The following XK variants were observed in gnomAD, a reference collection of about 807,000 sequenced individuals.
The protein encoded by XK is endoplasmic reticulum membrane adapter protein XK.
XK carries 2 observed loss-of-function variants against 14.0 expected under a neutral mutation model. The ratio of observed to expected loss-of-function variants is 0.14; its 90% CI spans 0.06 to 0.45. The LOEUF (loss-of-function observed/expected upper bound fraction) is 0.45, where lower values mean the gene tolerates loss of function less well. Among genes scored for constraint, XK ranks in the 20% least tolerant of loss-of-function variants. The probability of loss-of-function intolerance (pLI) is 0.98; values close to 1 mark genes in which losing one functional copy is unlikely to be tolerated. For synonymous variants in XK, 149 were observed against 147.5 expected, an observed-to-expected ratio of 1.01 and a Z score of -0.08; for missense variants, 235 against 341.5, an observed-to-expected ratio of 0.69 and a Z score of 2.46.
chrX:37,719,719 A>G lies in XK; in HGVS notation c.509-7917A>G, dbSNP rs1033492389. On this transcript the variant is annotated intron_variant, in intron 2 of 2. Coordinates refer to ENST00000378616, the MANE Select transcript of XK (RefSeq NM_021083.4). ...ACACAATTTTAAAATCATATAAATT[A>G]TAGTTATTTTAAGTCCATGTCAGAT... Among the ~76,000 whole-genome samples, 4 of 111,418 alleles carry G rather than the reference A, an allele frequency of 3.6e-5. No homozygotes were observed. The South Asian group carries it at 1.5e-3, about 41-fold the overall frequency.
At chrX:37,724,876 G>A (rs1422232794) in intron 2 of XK, among the ~76,000 whole-genome samples, 1 of 110,366 alleles carries the variant, frequency 9.1e-6, no homozygotes, top group Non-Finnish European at 1.9e-5. Context: ...AGATGGACAA[G>A]ATGGCAAATA....
chrX:37,707,505 C>T (rs1398482576), intron 2 of XK, among the ~76,000 whole-genome samples: 3 of 100,457 alleles, frequency 3.0e-5, no homozygotes, highest in Non-Finnish European at 4.0e-5. Flanking sequence ...GGCTGCCGGG[C>T]GGAAGGGCTC....
intron 2 of XK, among the ~76,000 whole-genome samples, chrX:37,704,164 CCTT>C (rs1370155493): frequency 5.4e-5 from 6 of 111,524 alleles, no homozygotes; most frequent in East Asian, 2.8e-4. Flanking sequence ...CTAAGACAAT[CCTT>C]CTTTGCTGAA....
chrX:37,719,515 A>G (rs1050840164), intron 2 of XK, among the ~76,000 whole-genome samples: 7 of 108,529 alleles, frequency 6.4e-5, no homozygotes, highest in Non-Finnish European at 1.3e-4. Context: ...TTCTTTCTCC[A>G]TTTGAGTGTT....
At chrX:37,691,515 A>G (rs1602144786) in intron 1 of XK, among the ~76,000 whole-genome samples, 2 of 111,937 alleles carry the variant, frequency 1.8e-5, no homozygotes, top group African/African-American at 6.5e-5. Context: ...CCTGATTTTC[A>G]GTGTTTGCTG....
Position 37,727,616 on chromosome X carries a change from A to G in XK, c.509-20A>G, listed in dbSNP as rs1556450290. 2.5e-6 allele frequency: 3 copies of G among 1,182,425 alleles called. No homozygotes were observed. Among genetic ancestry groups the G allele is most frequent in the Middle Eastern group, 2.3e-4 (1 of 4,264 alleles). ...CCTAGTGGAGGTGAGACTTGATGAT[A>G]CTCTCTCTTTTCTCCCCAGGTCTCC... is the stretch of plus-strand genomic sequence containing the variant. On this transcript the variant is annotated intron_variant, in intron 2 of 2. Coordinates refer to ENST00000378616, the MANE Select transcript of XK (RefSeq NM_021083.4).
At chrX:37,688,926 A>T (rs782163501) in intron 1 of XK, among the ~76,000 whole-genome samples, 7 of 111,885 alleles carry the variant, frequency 6.3e-5, no homozygotes, top group African/African-American at 9.7e-5. Context: ...TAAAACAATT[A>T]TCTACTTTTC....
chrX:37,713,891 T>G (rs1556447251), intron 2 of XK, among the ~76,000 whole-genome samples: 1 of 112,074 alleles, frequency 8.9e-6, no homozygotes, highest in Non-Finnish European at 1.9e-5. Context: ...TTTACTCCAG[T>G]GGTCAAACCT....
chrX:37,722,327 T>C (rs1389905756), intron 2 of XK, among the ~76,000 whole-genome samples: 5 of 111,139 alleles, frequency 4.5e-5, no homozygotes, highest in African/African-American at 1.6e-4. Context: ...ATAGGCAGAT[T>C]CATACACTAG....
rs1928102430 is a variant in XK at position 37,732,076 on chromosome X, T to C, written c.*3614T>C. ...GCTTCTCTGCAGTCGTTGATGCTAA[T>C]AAATATTGTCCTGTTTCTTCATATA... is the stretch of plus-strand genomic sequence containing the variant. On this transcript the variant is annotated 3_prime_UTR_variant, in exon 3 of 3. Transcript: ENST00000378616. 8.9e-6 allele frequency: 1 copy of C among 112,169 alleles called. No homozygotes were observed. The highest frequency in any genetic ancestry group is 1.9e-5 in the Non-Finnish European group (1 of 53,144). 9.2% of individuals were successfully genotyped at this position (112,169 alleles called of 1,213,427 possible). A position where few individuals can be genotyped will look rare whatever the true frequency, so the allele number is the denominator to read the frequency against.
rs1556450487 is a variant in XK at position 37,728,134 on chromosome X, A to G, written c.1007A>G (p.Tyr336Cys). The G allele has an allele frequency of 2.5e-6, 3 of 1,211,456 alleles. No individual in the cohort carries two copies. The highest frequency in any genetic ancestry group is 3.4e-6 in the Non-Finnish European group (3 of 895,392). Residue 336 changes from tyrosine (Y) to cysteine (C), a missense_variant, in exon 3 of 3, where the codon TAT (tyrosine) becomes TGT (cysteine). By Grantham distance (194) the Tyr-to-Cys change is radical. Transcript: ENST00000378616. Reference protein sequence around the residue: ...IENAILLLLWYLFKTDIYMYV... With the variant: ...IENAILLLLWCLFKTDIYMYV... ...AATGCCATCCTCCTCCTCCTGTGGT[A>G]TCTTTTCAAGACTGACATCTATATG...
chrX:37,690,383 A>G (rs1253093141), intron 1 of XK, among the ~76,000 whole-genome samples: 1 of 112,161 alleles, frequency 8.9e-6, no homozygotes, highest in Non-Finnish European at 1.9e-5. Context: ...GGCTTATTGG[A>G]AATTATAGTA....
At chrX:37,715,796 A>G (rs1184944088) in intron 2 of XK, among the ~76,000 whole-genome samples, 2 of 111,793 alleles carry the variant, frequency 1.8e-5, no homozygotes, top group Non-Finnish European at 3.8e-5. Flanking sequence ...GTAATGGTGT[A>G]TGCTTATTAT....
At chrX:37,708,648 A>C (rs1027864098) in intron 2 of XK, among the ~76,000 whole-genome samples, 6 of 112,645 alleles carry the variant, frequency 5.3e-5, no homozygotes, top group Non-Finnish European at 9.4e-5. Flanking sequence ...TTCACAGAAA[A>C]ACTAATTCTA....
chrX:37,694,683 A>G, intron 2 of XK, 135 bp downstream of exon 2: 3 of 934,557 alleles, frequency 3.2e-6, no homozygotes, highest in Non-Finnish European at 4.5e-6. Flanking sequence ...ACTATGCTCA[A>G]AACTCAATTA....
chrX:37,728,123 C>T lies in XK; in HGVS notation c.996C>T (p.Leu332=), dbSNP rs1928014649. Residue 332 remains leucine, a synonymous_variant, in exon 3 of 3, where the codon CTC becomes CTT. Coordinates refer to ENST00000378616, the MANE Select transcript of XK (RefSeq NM_021083.4). ...MIRFIENAIL[L]LLWYLFKTDI... The stretch of plus-strand genomic sequence containing the variant: ...GATTCATCGAGAATGCCATCCTCCT[C>T]CTCCTGTGGTATCTTTTCAAGACTG... 1.7e-6 allele frequency: 2 copies of T among 1,211,573 alleles called. No individual in the cohort carries two copies. Among genetic ancestry groups the T allele is most frequent in the Non-Finnish European group, 2.2e-6 (2 of 895,418 alleles).
intron 2 of XK, among the ~76,000 whole-genome samples, chrX:37,711,538 A>G (rs782606947): frequency 1.8e-5 from 2 of 112,175 alleles, no homozygotes; most frequent in East Asian, 2.8e-4. Flanking sequence ...AATTTACACA[A>G]TCCTTTGTGG....
At chrX:37,724,300 G>C (rs1466038735) in intron 2 of XK, among the ~76,000 whole-genome samples, 1 of 111,526 alleles carries the variant, frequency 9.0e-6, no homozygotes, top group Non-Finnish European at 1.9e-5. Context: ...CATGGATAAA[G>C]CTACAACAAT....
At chrX:37,704,002 G>A (rs782595364) in intron 2 of XK, among the ~76,000 whole-genome samples, 1 of 112,038 alleles carries the variant, frequency 8.9e-6, no homozygotes, top group East Asian at 2.8e-4. Flanking sequence ...ACTGTGTTAT[G>A]AACACAAATT....
Sources: allele counts gnomAD v4.1 joint callset (sites outside exome capture counted in the v4.1 genomes callset), GRCh38; gene constraint gnomAD v4.1.1; transcripts MANE v1.5; gene names NCBI Gene and HGNC (gene_info 2026-07-23, HGNC 2026-07-21).